MYT1L: variants seen among roughly 807,000 people sequenced by gnomAD.
MYT1L encodes the protein myelin transcription factor 1 like.
A neutral mutation model predicts 126.7 loss-of-function variants in MYT1L; 12 were observed. The ratio of observed to expected loss-of-function variants is 0.09; its 90% CI spans 0.06 to 0.15. The LOEUF (loss-of-function observed/expected upper bound fraction) is 0.15, where lower values mean the gene tolerates loss of function less well. Ranked by LOEUF, MYT1L falls within the 10% of genes least tolerant of loss-of-function variation. MYT1L has a pLI of 1.00. For missense variants in MYT1L, 979 were observed against 1,585.2 expected (o/e 0.62, Z 6.49); for synonymous variants, 541 against 604.2 (o/e 0.90, Z 1.53).
At chr2:1,888,732 T>A (rs748342512) in intron 16 of MYT1L, among the ~76,000 whole-genome samples, 6 of 152,246 alleles carry the variant, frequency 3.9e-5, no homozygotes, top group Non-Finnish European at 7.3e-5. Flanking sequence ...AATACTGTCA[T>A]AAACAAAGAC....
intron 3 of MYT1L, among the ~76,000 whole-genome samples, chr2:2,103,917 C>T (rs376057865): frequency 2.6e-4 from 39 of 152,342 alleles, no homozygotes; most frequent in African/African-American, 9.4e-4. Flanking sequence ...ACAGCTCAGT[C>T]GAAGGCAAGC....
chr2:2,061,959 C>T (rs535811286), intron 3 of MYT1L, among the ~76,000 whole-genome samples: 16 of 152,098 alleles, frequency 1.1e-4, no homozygotes, highest in Middle Eastern at 3.4e-3. Context: ...ACGCTTCTAG[C>T]CATTTCTTTT....
chr2:1,804,223 C>T (rs1192389926), intron 22 of MYT1L, among the ~76,000 whole-genome samples: 13 of 152,242 alleles, frequency 8.5e-5, no homozygotes, highest in South Asian at 2.1e-4. Flanking sequence ...CGGATTCAAA[C>T]GATTCTCCTG....
chr2:2,090,015 T>C (rs2076748956), intron 3 of MYT1L, among the ~76,000 whole-genome samples: 1 of 152,322 alleles, frequency 6.6e-6, no homozygotes, highest in Non-Finnish European at 1.5e-5. Context: ...AGAATCTATG[T>C]TGAGTTCAAG....
chr2:1,928,724 G>T (rs889130393), intron 9 of MYT1L, among the ~76,000 whole-genome samples: 6 of 152,068 alleles, frequency 3.9e-5, no homozygotes, highest in African/African-American at 9.7e-5. Flanking sequence ...AGGCTTGGTT[G>T]TATCACCAAC....
chr2:2,294,417 T>C (rs527552444), intron 1 of MYT1L, among the ~76,000 whole-genome samples: 2 of 152,264 alleles, frequency 1.3e-5, no homozygotes, highest in East Asian at 3.9e-4. Flanking sequence ...CAGATGAATT[T>C]TGACTTGAGC....
chr2:1,994,392 C>T (rs1309890435), intron 5 of MYT1L, among the ~76,000 whole-genome samples: 7 of 151,854 alleles, frequency 4.6e-5, no homozygotes, highest in East Asian at 1.9e-4. Context: ...CTCCTCCCAG[C>T]GAGTCCTCCT....
At chr2:2,210,328 T>C (rs1284177472) in intron 2 of MYT1L, among the ~76,000 whole-genome samples, 1 of 152,202 alleles carries the variant, frequency 6.6e-6, no homozygotes, top group African/African-American at 2.4e-5. Context: ...CCCAGACCAA[T>C]ATCCTAGAGC....
chr2:2,238,245 C>A (rs2094365619), intron 2 of MYT1L, among the ~76,000 whole-genome samples: 1 of 152,100 alleles, frequency 6.6e-6, no homozygotes, highest in African/African-American at 2.4e-5. Flanking sequence ...TCAGTCCTTA[C>A]TGGGAAACCC....
chr2:2,185,546 G>C (rs1158138681), intron 2 of MYT1L, among the ~76,000 whole-genome samples: 1 of 148,634 alleles, frequency 6.7e-6, no homozygotes, highest in African/African-American at 2.5e-5. Flanking sequence ...GGACGCAGCC[G>C]GGCCTCCTCG....
intron 11 of MYT1L, among the ~76,000 whole-genome samples, chr2:1,915,807 C>T (rs573895415): frequency 2.3e-4 from 35 of 152,286 alleles, no homozygotes; most frequent in Admixed American, 1.6e-3. Flanking sequence ...GAAGATATGG[C>T]ATATCCTCAA....
At chr2:2,118,919 G>T (rs1330816648) in intron 3 of MYT1L, among the ~76,000 whole-genome samples, 1 of 152,244 alleles carries the variant, frequency 6.6e-6, no homozygotes, top group Non-Finnish European at 1.5e-5. Context: ...TCTCCTAGGA[G>T]AACAGTGACG....
At chr2:2,124,537 G>T (rs1353006361) in intron 3 of MYT1L, among the ~76,000 whole-genome samples, 1 of 152,078 alleles carries the variant, frequency 6.6e-6, no homozygotes. Context: ...CTCAGGTAAT[G>T]CACCTGCCTC....
rs181565674 is a variant in MYT1L at position 1,830,834 on chromosome 2, C to T, written c.3080+8315G>A. ...TCTGTCCTCGCCTGCTGGCTGGCTG[C>T]GGCCTCCCTCACAGGATCCTCCAAA... On this transcript the variant is annotated intron_variant, in intron 21 of 24. Coordinates refer to ENST00000647738, the MANE Select transcript of MYT1L (RefSeq NM_001303052.2). 3.3e-4 allele frequency among the ~76,000 whole-genome samples: 50 copies of T among 152,238 alleles called. No individual in the cohort carries two copies. The Middle Eastern group carries it at 0.01, about 31-fold the overall frequency.
At chr2:1,882,332 G>A (rs1306238373) in intron 18 of MYT1L, among the ~76,000 whole-genome samples, 3 of 151,778 alleles carry the variant, frequency 2.0e-5, no homozygotes, top group Admixed American at 2.0e-4. Context: ...TCCCATTCAC[G>A]CGCATGGCTG....
At chr2:2,238,012 A>G (rs1275239020) in intron 2 of MYT1L, among the ~76,000 whole-genome samples, 1 of 152,250 alleles carries the variant, frequency 6.6e-6, no homozygotes, top group African/African-American at 2.4e-5. Flanking sequence ...TCTGACAGAA[A>G]GGCGCGTTAT....
At chr2:2,230,120 G>A (rs571892416) in intron 2 of MYT1L, among the ~76,000 whole-genome samples, 1 of 152,290 alleles carries the variant, frequency 6.6e-6, no homozygotes, top group African/African-American at 2.4e-5. Context: ...AGATGCATTT[G>A]ACAACCCTTT....
At position 1,952,384 on chromosome 2, in the gene MYT1L, G is replaced by T. The variant is rs564339578; in HGVS notation, c.153-9050C>A. 3.3e-5 allele frequency among the ~76,000 whole-genome samples: 5 copies of T among 152,190 alleles called. No homozygotes were observed. In the South Asian group the frequency reaches 1.0e-3, roughly 32 times the overall value. ...CACTAGTTCTTTTGAACTCAATAAT[G>T]AGAGTAAAGGTACCTCTCGGGCTTT... On this transcript the variant is annotated intron_variant, in intron 8 of 24. Transcript: ENST00000647738.
At chr2:2,300,459 A>G (rs2095765050) in intron 1 of MYT1L, among the ~76,000 whole-genome samples, 1 of 152,246 alleles carries the variant, frequency 6.6e-6, no homozygotes, top group South Asian at 2.1e-4. Context: ...TCAAAGTCCA[A>G]CAAACTGTGA....
Sources: allele counts gnomAD v4.1 joint callset (sites outside exome capture counted in the v4.1 genomes callset), GRCh38; gene constraint gnomAD v4.1.1; transcripts MANE v1.5; gene names NCBI Gene and HGNC (gene_info 2026-07-23, HGNC 2026-07-21).